Variants in IL16 observed in about 807,000 individuals in gnomAD.
The protein encoded by IL16 is pro-interleukin-16.
In IL16, 67 loss-of-function variants were observed where a neutral mutation model predicts 110.1. That is an observed-to-expected ratio of 0.61 (90% CI 0.50 to 0.75). The LOEUF is 0.75. IL16 is among the 30% of genes least tolerant of loss of function. The pLI, the probability that IL16 is intolerant of heterozygous loss-of-function variation, is 0.00. For missense variants in IL16, 1,545 were observed against 1,655.0 expected, an observed-to-expected ratio of 0.93 and a Z score of 1.15; for synonymous variants, 689 against 662.9, an observed-to-expected ratio of 1.04 and a Z score of -0.61.
At chr15:81,207,249 A>C (rs201109916) in intron 1 of IL16, among the ~76,000 whole-genome samples, 36 of 80,314 alleles carry the variant, frequency 4.5e-4, no homozygotes, top group Admixed American at 3.3e-3. Flanking sequence ...AAAAAAACAA[A>C]AAAAAAAAAA....
intron 18 of IL16, among the ~76,000 whole-genome samples, chr15:81,308,320 TGCTCCAGGCA>T (rs1900677830): frequency 6.6e-6 from 1 of 152,172 alleles, no homozygotes; most frequent in Non-Finnish European, 1.5e-5. Context: ...CTATGGACGG[TGCTCCAGGCA>T]GGCTAAGGCG....
intron 2 of IL16, among the ~76,000 whole-genome samples, chr15:81,228,654 A>G (rs114286813): frequency 0.011 from 1,621 of 152,234 alleles, 31 homozygotes; most frequent in African/African-American, 0.038. Flanking sequence ...CACAACTCTT[A>G]TCTCATTGTC....
intron 11 of IL16, chr15:81,291,853 G>C (rs565609473): frequency 2.2e-6 from 1 of 452,970 alleles, no homozygotes; most frequent in Admixed American, 2.4e-5. Context: ...TTGACAGGTA[G>C]TTTCTCTGTC....
chr15:81,200,784 T>G (rs1895781252), intron 1 of IL16, among the ~76,000 whole-genome samples: 1 of 152,186 alleles, frequency 6.6e-6, no homozygotes, highest in Non-Finnish European at 1.5e-5. Context: ...GATCTTCTCT[T>G]TCAAAAAGAT....
intron 1 of IL16, among the ~76,000 whole-genome samples, chr15:81,219,371 C>G (rs1210003013): frequency 6.6e-6 from 1 of 152,062 alleles, no homozygotes; most frequent in Non-Finnish European, 1.5e-5. Flanking sequence ...CCTTATCTAT[C>G]TGGGTGGAAA....
Position 81,303,744 on chromosome 15 carries a change from A to G in IL16, c.3420+94A>G. 2 of 820,448 alleles carry G rather than the reference A, an allele frequency of 2.4e-6. No homozygotes were observed. Among genetic ancestry groups the G allele is most frequent in the Non-Finnish European group, 4.2e-6 (2 of 477,620 alleles). The allele number at this position is 820,448 out of a possible 1,614,324, so 50.8% of individuals were successfully genotyped here. ...CCAGGAAGGGGCCCTGTGCTGGGGA[A>G]ATGAAGAATGCATGACACTAGGCCA... On this transcript the variant is annotated intron_variant, in intron 16 of 18. Coordinates refer to ENST00000683961, the MANE Select transcript of IL16 (RefSeq NM_172217.5). This position sits in a 1 kb window ranked among gnomAD's most constrained non-coding sequence, Gnocchi z 4.1.
chr15:81,283,380 A>C (rs1480863889), intron 9 of IL16, among the ~76,000 whole-genome samples: 1 of 152,094 alleles, frequency 6.6e-6, no homozygotes, highest in Non-Finnish European at 1.5e-5. Flanking sequence ...AACAAACAAA[A>C]AAAAGAGAAT....
Position 81,309,239 on chromosome 15 carries a change from T to C in IL16, c.*441T>C, listed in dbSNP as rs572353099. On this transcript the variant is annotated 3_prime_UTR_variant, in exon 19 of 19. Coordinates refer to ENST00000683961, the MANE Select transcript of IL16 (RefSeq NM_172217.5). ...CAGCTCATCTCTGTCCCACTTGGCA[T>C]CAGCTGGCGTCATGCAAAGTCATGC... 20 of 158,346 alleles carry C rather than the reference T, an allele frequency of 1.3e-4. 1 individual carries two copies. In the East Asian group the frequency reaches 3.8e-3, roughly 30 times the overall value. The allele number at this position is 158,346 out of a possible 1,614,324, so 9.8% of individuals were successfully genotyped here.
intron 1 of IL16, among the ~76,000 whole-genome samples, chr15:81,223,307 A>C (rs1008455469): frequency 6.6e-6 from 1 of 152,216 alleles, no homozygotes; most frequent in Admixed American, 6.5e-5. Flanking sequence ...GAAGACATGA[A>C]GGGGATAAAG....
intron 18 of IL16, chr15:81,306,888 G>A (rs1596061066): frequency 2.8e-6 from 1 of 362,882 alleles, no homozygotes; most frequent in Non-Finnish European, 5.3e-6. Flanking sequence ...AACTCAGATC[G>A]ATACTATTTT....
At chr15:81,230,419 C>T (rs1183058840) in intron 2 of IL16, among the ~76,000 whole-genome samples, 1 of 152,186 alleles carries the variant, frequency 6.6e-6, no homozygotes, top group African/African-American at 2.4e-5. Context: ...CTTCTCCTTT[C>T]TTCCTTATTT....
intron 2 of IL16, among the ~76,000 whole-genome samples, chr15:81,226,302 GTT>G (rs1328586343): frequency 6.6e-6 from 1 of 152,158 alleles, no homozygotes; most frequent in Non-Finnish European, 1.5e-5. Context: ...AATTCAGAAT[GTT>G]TTCCTTTCTG....
intron 1 of IL16, among the ~76,000 whole-genome samples, chr15:81,205,702 A>C (rs1895991403): frequency 6.6e-6 from 1 of 152,168 alleles, no homozygotes; most frequent in African/African-American, 2.4e-5. Context: ...ATTCAGTTTA[A>C]AAAAGGGAAA....
intron 9 of IL16, among the ~76,000 whole-genome samples, chr15:81,284,184 ATTTAAT>A (rs1359287162): frequency 6.6e-6 from 1 of 152,190 alleles, no homozygotes; most frequent in East Asian, 1.9e-4. Flanking sequence ...AATTTATCCT[ATTTAAT>A]TTGTTACAAT....
chr15:81,272,589 G>A (rs1272403742), intron 5 of IL16, among the ~76,000 whole-genome samples: 1 of 152,232 alleles, frequency 6.6e-6, no homozygotes, highest in African/African-American at 2.4e-5. Flanking sequence ...AGGGGATTGA[G>A]AAGGCCTTTG....
Position 81,313,289 on chromosome 15 carries a change from G to T in IL16, c.*4491G>T, listed in dbSNP as rs775814433. On this transcript the variant is annotated 3_prime_UTR_variant, in exon 19 of 19. Transcript: ENST00000683961. The stretch of plus-strand genomic sequence containing the variant: ...GGAATTGCTTCACTGCTTTCTGAAG[G>T]TTGGCATAAAACCGGGTCATGCTGC... The T allele has an allele frequency of 6.3e-7, 1 of 1,579,110 alleles. No individual in the cohort carries two copies. The highest frequency in any genetic ancestry group is 8.6e-7 in the Non-Finnish European group (1 of 1,163,436).
At chr15:81,264,600 C>G (rs545022659) in intron 3 of IL16, among the ~76,000 whole-genome samples, 29 of 152,150 alleles carry the variant, frequency 1.9e-4, no homozygotes, top group Non-Finnish European at 2.5e-4. Flanking sequence ...TTCACAAAAG[C>G]CTGTCCATTC....
At position 81,253,317 on chromosome 15, in the gene IL16, T is replaced by G. The variant is rs575248216; in HGVS notation, c.313-6455T>G. On this transcript the variant is annotated intron_variant, in intron 2 of 18. Coordinates refer to ENST00000683961, the MANE Select transcript of IL16 (RefSeq NM_172217.5). ...TTTTTGCCTATTTATAAAAATTAGG[T>G]TATTTGTCTTTTTATTTTTGAGTGG... Among the ~76,000 whole-genome samples, 6 of 152,306 alleles carry G rather than the reference T, an allele frequency of 3.9e-5. No homozygotes were observed. In the East Asian group the frequency reaches 1.2e-3, roughly 29 times the overall value.
intron 12 of IL16, among the ~76,000 whole-genome samples, 173 bp from the exon 13 acceptor site, chr15:81,296,755 G>A (rs1900003471): frequency 1.3e-5 from 2 of 152,182 alleles, no homozygotes; most frequent in Admixed American, 1.3e-4. Context: ...GGAGGTGCTG[G>A]CTCTGCCACG....
Sources: allele counts gnomAD v4.1 joint callset (sites outside exome capture counted in the v4.1 genomes callset), GRCh38; gene constraint gnomAD v4.1.1; non-coding constraint Gnocchi (gnomAD v3.1); transcripts MANE v1.5; gene names NCBI Gene and HGNC (gene_info 2026-07-23, HGNC 2026-07-21).